Variants in PPP2R2C observed in about 807,000 individuals in gnomAD.
The protein encoded by PPP2R2C is protein phosphatase 2, regulatory subunit B, gamma.
In PPP2R2C, 10 loss-of-function variants were observed where a neutral mutation model predicts 45.3. That is an observed-to-expected ratio of 0.22 (90% CI 0.14 to 0.37). The LOEUF (loss-of-function observed/expected upper bound fraction) is 0.37, where lower values mean the gene tolerates loss of function less well. Ranked by LOEUF, PPP2R2C falls within the 10% of genes least tolerant of loss-of-function variation. PPP2R2C has a pLI of 1.00. For missense variants in PPP2R2C, 308 were observed against 619.7 expected (o/e 0.50, Z 5.34); for synonymous variants, 257 against 245.4 (o/e 1.05, Z -0.44).
chr4:6,401,951 C>T (rs1560518063), intron 1 of PPP2R2C, among the ~76,000 whole-genome samples: 1 of 152,200 alleles, frequency 6.6e-6, no homozygotes, highest in South Asian at 2.1e-4. Flanking sequence ...AACCCAGGCG[C>T]AAATCCTGGC....
At chr4:6,479,401 G>A (rs1380336842) in intron 2 of PPP2R2C, among the ~76,000 whole-genome samples, 1 of 151,914 alleles carries the variant, frequency 6.6e-6, no homozygotes, top group East Asian at 1.9e-4. Flanking sequence ...ATGATAAGAC[G>A]AAAGCCCACC....
intron 1 of PPP2R2C, among the ~76,000 whole-genome samples, chr4:6,424,470 G>T (rs1055967353): frequency 1.3e-5 from 2 of 152,218 alleles, no homozygotes; most frequent in African/African-American, 4.8e-5. Flanking sequence ...GAGCCATGTC[G>T]GGGCACTGAG....
At chr4:6,526,103 A>G (rs1400895679) in intron 2 of PPP2R2C, among the ~76,000 whole-genome samples, 1 of 152,192 alleles carries the variant, frequency 6.6e-6, no homozygotes, top group Non-Finnish European at 1.5e-5. Context: ...ACCTTCTGAC[A>G]TGTAGGGCCC....
intron 6 of PPP2R2C, among the ~76,000 whole-genome samples, chr4:6,334,161 C>T (rs1334686646): frequency 2.6e-5 from 4 of 152,196 alleles, no homozygotes; most frequent in Non-Finnish European, 5.9e-5. Flanking sequence ...GTGGCTCTGG[C>T]ACTAACTGGC....
At chr4:6,350,206 C>T (rs772901175) in intron 5 of PPP2R2C, 1 of 985,322 alleles carries the variant, frequency 1.0e-6, no homozygotes, top group Non-Finnish European at 1.2e-6. Flanking sequence ...AAGAGCCCTC[C>T]TCCTGCCATG....
chr4:6,339,830 C>T (rs1194107123), intron 6 of PPP2R2C, among the ~76,000 whole-genome samples: 1 of 152,198 alleles, frequency 6.6e-6, no homozygotes, highest in East Asian at 1.9e-4. Context: ...GGATACAAGG[C>T]CATCCACGAG....
rs1401719862 is a variant in PPP2R2C at position 6,328,640 on chromosome 4, G to C, written c.1052+622C>G. ...CTTGTCCATGCCCGCCCTGGGCTGA[G>C]CCCAGGCTAGGGAGACACAGGAACT... On this transcript the variant is annotated intron_variant, in intron 8 of 8. Transcript: ENST00000382599. This position sits in a 1 kb window ranked among gnomAD's most constrained non-coding sequence, Gnocchi z 4.4. 6.6e-6 allele frequency among the ~76,000 whole-genome samples: 1 copy of C among 152,212 alleles called. No individual in the cohort carries two copies. Among genetic ancestry groups the C allele is most frequent in the Non-Finnish European group, 1.5e-5 (1 of 68,030 alleles).
At chr4:6,409,759 G>A (rs1478736548) in intron 1 of PPP2R2C, among the ~76,000 whole-genome samples, 2 of 152,250 alleles carry the variant, frequency 1.3e-5, no homozygotes, top group Admixed American at 1.3e-4. Flanking sequence ...GGTGGAGCTG[G>A]GGATAGAGCC....
chr4:6,431,692 T>TC lies in PPP2R2C; in HGVS notation c.70+40467dup, dbSNP rs1404291577. Among the ~76,000 whole-genome samples the TC allele has an allele frequency of 2.6e-5, 4 of 152,202 alleles. No homozygotes were observed. In the East Asian group the frequency reaches 7.7e-4, roughly 29 times the overall value. ...AACCACTTATACTCTAGTCCACACCTCGGGGCCTGCCTCTGGGGAGCCTGG... is the reference window on the plus strand; with the variant it reads ...AACCACTTATACTCTAGTCCACACCTCCGGGGCCTGCCTCTGGGGAGCCTGG... On this transcript the variant is annotated intron_variant, in intron 1 of 8. Transcript: ENST00000382599.
rs1714067004 is a variant in PPP2R2C at position 6,364,207 on chromosome 4, G to A, written c.625+8316C>T. Among the ~76,000 whole-genome samples, 1 of 152,218 alleles carries A rather than the reference G, an allele frequency of 6.6e-6. No homozygotes were observed. Among genetic ancestry groups the A allele is most frequent in the African/African-American group, 2.4e-5 (1 of 41,458 alleles). ...GGTCAAGGAAGGCCTCTTTAAGAAG[G>A]TGTCCACTGAGTGGATGAGGATGGA... On this transcript the variant is annotated intron_variant, in intron 5 of 8. Transcript: ENST00000382599. This position sits in a 1 kb window ranked among gnomAD's most constrained non-coding sequence, Gnocchi z 5.3.
At chr4:6,511,280 TG>T (rs1723449630) in intron 2 of PPP2R2C, among the ~76,000 whole-genome samples, 1 of 152,016 alleles carries the variant, frequency 6.6e-6, no homozygotes, top group Non-Finnish European at 1.5e-5. Flanking sequence ...ATGCTGATGC[TG>T]ATGCTGATGC....
In PPP2R2C at chr4:6,323,211, C is replaced by T; in HGVS notation, c.*91G>A. 2.1e-6 allele frequency: 3 copies of T among 1,459,090 alleles called. No homozygotes were observed. In the South Asian group the frequency reaches 4.1e-5, roughly 20 times the overall value. The allele number at this position is 1,459,090 out of a possible 1,614,324, so 90.4% of individuals were successfully genotyped here. A position where few individuals can be genotyped will look rare whatever the true frequency, so the allele number is the denominator to read the frequency against. ...GCAGCTGTCCTCATCAGTGCTGTGA[C>T]TTTCTTCCCCTCCTTGCATTGCGGT... is the stretch of plus-strand genomic sequence containing the variant. On this transcript the variant is annotated 3_prime_UTR_variant, in exon 9 of 9. Coordinates refer to ENST00000382599, the MANE Select transcript of PPP2R2C (RefSeq NM_020416.4).
chr4:6,512,975 A>T (rs1409808032), intron 2 of PPP2R2C, among the ~76,000 whole-genome samples: 5 of 151,388 alleles, frequency 3.3e-5, no homozygotes, highest in African/African-American at 9.7e-5. Flanking sequence ...ATATCAGGAT[A>T]AAAAAAAATA....
intron 1 of PPP2R2C, among the ~76,000 whole-genome samples, chr4:6,450,472 A>G (rs1384332930): frequency 1.3e-5 from 2 of 152,184 alleles, no homozygotes; most frequent in Admixed American, 6.5e-5. Flanking sequence ...ATCACCAAGC[A>G]CTGGAAGGAG....
chr4:6,435,619 C>G (rs903255564), intron 1 of PPP2R2C, among the ~76,000 whole-genome samples: 2 of 152,194 alleles, frequency 1.3e-5, no homozygotes, highest in Non-Finnish European at 2.9e-5. Context: ...CCTGAACCAT[C>G]TATTTATACA....
intron 2 of PPP2R2C, chr4:6,535,223 C>A: frequency 6.5e-7 from 1 of 1,530,354 alleles, no homozygotes; most frequent in Non-Finnish European, 8.8e-7. Context: ...AGCCCACGTC[C>A]CCAAGCTCAC....
rs1160744384 is a variant in PPP2R2C at position 6,332,985 on chromosome 4, TGA to T, written c.960+575_960+576del. Among the ~76,000 whole-genome samples, 5 of 152,162 alleles carry T rather than the reference TGA, an allele frequency of 3.3e-5. No individual in the cohort carries two copies. The highest frequency in any genetic ancestry group is 6.5e-5 in the Admixed American group (1 of 15,280). On this transcript the variant is annotated intron_variant, in intron 7 of 8. Coordinates refer to ENST00000382599, the MANE Select transcript of PPP2R2C (RefSeq NM_020416.4). This position sits in a 1 kb window ranked among gnomAD's most constrained non-coding sequence, Gnocchi z 4.9. ...GTCCACATTTTATTTTAACATCACA[TGA>T]GTTTTGTTGTCTACCCCCTAACATA...
intron 2 of PPP2R2C, among the ~76,000 whole-genome samples, chr4:6,532,883 C>G (rs909623334): frequency 6.6e-6 from 1 of 152,218 alleles, no homozygotes; most frequent in East Asian, 1.9e-4. Context: ...GCCCTAGCTG[C>G]AAGGGAGGCT....
intron 1 of PPP2R2C, among the ~76,000 whole-genome samples, chr4:6,420,358 A>T (rs541356550): frequency 1.1e-4 from 16 of 152,312 alleles, no homozygotes; most frequent in Non-Finnish European, 1.8e-4. Context: ...AATCAAAAGC[A>T]TCCCCCCACC....
Sources: gnomAD v4.1 joint callset for allele counts (sites outside exome capture counted in the v4.1 genomes callset) on GRCh38, gnomAD v4.1.1 for gene constraint, Gnocchi (gnomAD v3.1) non-coding constraint, MANE v1.5 for transcripts, NCBI Gene and HGNC (gene_info 2026-07-23, HGNC 2026-07-21) for gene names.